Variants in ATP10A observed in about 807,000 individuals in gnomAD.
ATP10A encodes ATPase phospholipid transporting 10A (putative), also known as phospholipid-transporting ATPase VA.
In ATP10A, 111 loss-of-function variants were observed where a neutral mutation model predicts 147.8. The observed-to-expected ratio is 0.75, with a 90% CI of 0.64 to 0.88. The LOEUF is 0.88. ATP10A is among the 40% of genes least tolerant of loss of function. ATP10A has a pLI of 0.00. For missense variants in ATP10A, 1,927 were observed against 1,959.0 expected (o/e 0.98, Z 0.31); for synonymous variants, 875 against 841.6 (o/e 1.04, Z -0.69).
intron 16 of ATP10A, among the ~76,000 whole-genome samples, chr15:25,685,453 C>G (rs559849898): frequency 6.6e-6 from 1 of 152,200 alleles, no homozygotes; most frequent in Non-Finnish European, 1.5e-5. Flanking sequence ...CTACATCATT[C>G]TTGCCCTCCC....
downstream of ATP10A, among the ~76,000 whole-genome samples, chr15:25,672,336 GAAT>G (rs1201209611): frequency 1.3e-5 from 2 of 152,168 alleles, no homozygotes; most frequent in African/African-American, 4.8e-5. Context: ...TTTTAAGACG[GAAT>G]AATATCCCCT....
At chr15:25,796,375 A>G (rs905033261) in intron 1 of ATP10A, among the ~76,000 whole-genome samples, 2 of 148,852 alleles carry the variant, frequency 1.3e-5, no homozygotes, top group African/African-American at 5.0e-5. Context: ...ACTACACTTC[A>G]GCCTGAACAA....
chr15:25,807,454 C>A (rs528395046), intron 1 of ATP10A, among the ~76,000 whole-genome samples: 1 of 152,216 alleles, frequency 6.6e-6, no homozygotes, highest in Non-Finnish European at 1.5e-5. Flanking sequence ...GCTGAACACT[C>A]CCTGTGAAAT....
Position 25,862,348 on chromosome 15 carries a change from G to C in ATP10A, c.449+300C>G, listed in dbSNP as rs141128465. The C allele has an allele frequency of 4.1e-3, 2,467 of 597,398 alleles. 3 individuals are homozygous for C. Among genetic ancestry groups the C allele is most frequent in the Non-Finnish European group, 5.7e-3 (1,799 of 317,914 alleles). The allele number at this position is 597,398 out of a possible 1,614,324, so 37.0% of individuals were successfully genotyped here. On this transcript the variant is annotated intron_variant, in intron 1 of 20. Coordinates refer to ENST00000555815, the MANE Select transcript of ATP10A (RefSeq NM_024490.4). ...TCAGGTGGGAGCGGCTGTGGATGAGGATGTCCAGCGGCCGTCGGTTTCTAG... is the reference window on the plus strand; with the variant it reads ...TCAGGTGGGAGCGGCTGTGGATGAGCATGTCCAGCGGCCGTCGGTTTCTAG...
intron 7 of ATP10A, among the ~76,000 whole-genome samples, chr15:25,719,937 G>C (rs555304952): frequency 5.3e-5 from 8 of 152,146 alleles, no homozygotes; most frequent in Non-Finnish European, 1.0e-4. Flanking sequence ...GGCTGATGAC[G>C]CTCCTTGCCT....
intron 2 of ATP10A, among the ~76,000 whole-genome samples, chr15:25,751,867 T>C (rs1381452386): frequency 1.3e-5 from 2 of 152,102 alleles, no homozygotes; most frequent in Non-Finnish European, 2.9e-5. Context: ...TGAATAAACA[T>C]TGCTTAGAAG....
rs115739984 is a variant in ATP10A, at chr15:25,794,801, T to C, written c.450-13578A>G. 6.0e-3 allele frequency among the ~76,000 whole-genome samples: 921 copies of C among 152,316 alleles called. 9 individuals are homozygous for C. Among genetic ancestry groups the C allele is most frequent in the African/African-American group, 0.021 (890 of 41,568 alleles). On this transcript the variant is annotated intron_variant, in intron 1 of 20. Coordinates refer to ENST00000555815, the MANE Select transcript of ATP10A (RefSeq NM_024490.4). ...ACAGTGAGAAGGGCCATGCAGATGGTCATCTTCTCTGGAGGCCACACACGT... is the reference window on the plus strand; with the variant it reads ...ACAGTGAGAAGGGCCATGCAGATGGCCATCTTCTCTGGAGGCCACACACGT...
chr15:25,857,455 A>C (rs1893566653), intron 1 of ATP10A, among the ~76,000 whole-genome samples: 1 of 152,200 alleles, frequency 6.6e-6, no homozygotes, highest in Non-Finnish European at 1.5e-5. Context: ...TTAAAAAATA[A>C]TAATTTTTTT....
At chr15:25,688,117 T>C (rs1899800973) in intron 15 of ATP10A, 4 of 420,244 alleles carry the variant, frequency 9.5e-6, no homozygotes, top group Admixed American at 7.1e-5. Context: ...TCTTTTTTCC[T>C]GCTGTTTTCT....
chr15:25,768,101 G>A (rs1889124073), intron 2 of ATP10A, among the ~76,000 whole-genome samples: 1 of 152,224 alleles, frequency 6.6e-6, no homozygotes, highest in South Asian at 2.1e-4. Flanking sequence ...TCTCTGCACT[G>A]GATGAGGGAC....
chr15:25,824,179 G>GA (rs1596957553), intron 1 of ATP10A, among the ~76,000 whole-genome samples: 1 of 151,976 alleles, frequency 6.6e-6, no homozygotes. Flanking sequence ...CATAGTAATT[G>GA]AAAAAAACAT....
At chr15:25,823,463 T>C (rs550160837) in intron 1 of ATP10A, among the ~76,000 whole-genome samples, 1 of 152,318 alleles carries the variant, frequency 6.6e-6, no homozygotes, top group African/African-American at 2.4e-5. Context: ...CTTGAGGACG[T>C]CCCCCAGGTG....
chr15:25,746,348 A>C (rs1305411571), intron 2 of ATP10A, among the ~76,000 whole-genome samples: 1 of 152,232 alleles, frequency 6.6e-6, no homozygotes, highest in East Asian at 1.9e-4. Flanking sequence ...GCATAAACTC[A>C]AATTATATAT....
intron 2 of ATP10A, among the ~76,000 whole-genome samples, chr15:25,767,399 G>A (rs1156941871): frequency 6.6e-6 from 1 of 152,172 alleles, no homozygotes; most frequent in African/African-American, 2.4e-5. Flanking sequence ...GATGAACCAG[G>A]GCTCAGGCAG....
chr15:25,695,698 G>T (rs1306814335), intron 13 of ATP10A, among the ~76,000 whole-genome samples: 1 of 151,946 alleles, frequency 6.6e-6, no homozygotes, highest in African/African-American at 2.4e-5. Flanking sequence ...ACAGTGCAGA[G>T]GTTGGAATGG....
At chr15:25,707,875 G>A (rs1178661666) in intron 12 of ATP10A, 101 bp downstream of exon 12, 22 of 1,501,314 alleles carry the variant, frequency 1.5e-5, no homozygotes, top group Non-Finnish European at 2.0e-5. Flanking sequence ...CCTAACCAAG[G>A]CCAGCCTGCG....
intron 2 of ATP10A, among the ~76,000 whole-genome samples, chr15:25,774,071 AAG>A: frequency 6.6e-6 from 1 of 152,298 alleles, no homozygotes; most frequent in African/African-American, 2.4e-5. Flanking sequence ...AATATAGTTA[AAG>A]AGAAAAAAAG....
At chr15:25,719,776 A>T (rs1373348885) in intron 7 of ATP10A, among the ~76,000 whole-genome samples, 1 of 152,184 alleles carries the variant, frequency 6.6e-6, no homozygotes, top group African/African-American at 2.4e-5. Flanking sequence ...ATGCACAGCC[A>T]GCTAGCTCCA....
intron 10 of ATP10A, among the ~76,000 whole-genome samples, chr15:25,712,991 A>G (rs1304572313): frequency 6.6e-6 from 1 of 152,196 alleles, no homozygotes; most frequent in Non-Finnish European, 1.5e-5. Flanking sequence ...GAAGGGAGCA[A>G]CCGGCTTATA....
Sources: gnomAD v4.1 joint callset for allele counts (sites outside exome capture counted in the v4.1 genomes callset) on GRCh38, gnomAD v4.1.1 for gene constraint, MANE v1.5 for transcripts, NCBI Gene and HGNC (gene_info 2026-07-23, HGNC 2026-07-21) for gene names.